DOCK4: variants seen among roughly 807,000 people sequenced by gnomAD.
DOCK4 encodes dedicator of cytokinesis 4.
Under a neutral mutation model 268.1 loss-of-function variants are expected in DOCK4, and 97 were observed. The ratio of observed to expected loss-of-function variants is 0.36; its 90% CI spans 0.31 to 0.43. The LOEUF (loss-of-function observed/expected upper bound fraction) is 0.43. DOCK4 is among the 20% of genes least tolerant of loss of function. The probability of loss-of-function intolerance (pLI) is 1.00; values close to 1 mark genes in which losing one functional copy is unlikely to be tolerated. For synonymous variants in DOCK4, 954 were observed against 887.2 expected, an observed-to-expected ratio of 1.08 and a Z score of -1.34; for missense variants, 2,145 against 2,455.7, an observed-to-expected ratio of 0.87 and a Z score of 2.67.
chr7:111,904,746 A>C (rs1353523855), intron 13 of DOCK4, among the ~76,000 whole-genome samples: 1 of 152,218 alleles, frequency 6.6e-6, no homozygotes, highest in Non-Finnish European at 1.5e-5. Context: ...ACAGGGTATT[A>C]GAAACCTCTG....
intron 5 of DOCK4, among the ~76,000 whole-genome samples, chr7:111,991,035 G>C (rs1799480649): frequency 6.6e-6 from 1 of 152,158 alleles, no homozygotes; most frequent in Admixed American, 6.5e-5. Flanking sequence ...ATCTCATGTA[G>C]CAAAGAAGAG....
chr7:111,819,180 GAGA>G (rs1351115282), intron 27 of DOCK4, among the ~76,000 whole-genome samples: 3 of 152,192 alleles, frequency 2.0e-5, no homozygotes, highest in African/African-American at 7.2e-5. Context: ...CAACTGAAGA[GAGA>G]AGGAGTTTTT....
At chr7:112,099,445 GC>G (rs1339579335) in intron 1 of DOCK4, among the ~76,000 whole-genome samples, 1 of 151,974 alleles carries the variant, frequency 6.6e-6, no homozygotes, top group Non-Finnish European at 1.5e-5. Flanking sequence ...AAAGTTTACC[GC>G]ATTCCCTAAC....
chr7:111,741,401 G>T, intron 46 of DOCK4, 139 bp downstream of exon 46: 1 of 1,399,086 alleles, frequency 7.1e-7, no homozygotes, highest in Non-Finnish European at 9.8e-7. Context: ...GGTGGCAGAG[G>T]TCTGCAGCTG....
chr7:112,174,236 C>A (rs1818318946), intron 1 of DOCK4, among the ~76,000 whole-genome samples: 1 of 152,166 alleles, frequency 6.6e-6, no homozygotes, highest in Non-Finnish European at 1.5e-5. Context: ...CATCCAAAAG[C>A]AGAAATCATT....
chr7:111,813,640 G>A (rs1329401832), intron 27 of DOCK4, among the ~76,000 whole-genome samples: 1 of 152,142 alleles, frequency 6.6e-6, no homozygotes, highest in Admixed American at 6.6e-5. Context: ...AAACCTATGA[G>A]ATCGAGAAGT....
At chr7:111,854,849 C>T (rs546167313) in intron 23 of DOCK4, among the ~76,000 whole-genome samples, 6 of 152,298 alleles carry the variant, frequency 3.9e-5, no homozygotes, top group African/African-American at 1.4e-4. Flanking sequence ...TGGGGTTTCC[C>T]TTCTGGGGTG....
intron 3 of DOCK4, 51 bp downstream of exon 3, chr7:112,000,439 ATAAC>A: frequency 9.2e-7 from 1 of 1,091,618 alleles, no homozygotes. Context: ...AATAATTTAA[ATAAC>A]TATCTTTCTT....
chr7:112,198,384 TG>T (rs1431178659), intron 1 of DOCK4, among the ~76,000 whole-genome samples: 1 of 152,200 alleles, frequency 6.6e-6, no homozygotes, highest in Non-Finnish European at 1.5e-5. Flanking sequence ...AAATTTCTTT[TG>T]TTTAAACTAT....
intron 1 of DOCK4, among the ~76,000 whole-genome samples, chr7:112,122,299 G>C (rs151064775): frequency 3.0e-4 from 46 of 152,210 alleles, no homozygotes; most frequent in Non-Finnish European, 5.4e-4. Flanking sequence ...TTGCAAAACT[G>C]AAACTCTATA....
Position 111,951,279 on chromosome 7 carries a change from C to T in DOCK4, c.702-5481G>A, listed in dbSNP as rs149251784. On this transcript the variant is annotated intron_variant, in intron 8 of 52. Transcript: ENST00000428084. ...CTGTGCCAGACCCTATGACTTATGC[C>T]TTACATAGCTCTTCTCATTTAATTC... Among the ~76,000 whole-genome samples, 9 of 152,224 alleles carry T rather than the reference C, an allele frequency of 5.9e-5. No individual in the cohort carries two copies. The East Asian group carries it at 1.7e-3, about 29-fold the overall frequency.
intron 1 of DOCK4, among the ~76,000 whole-genome samples, chr7:112,159,724 G>C (rs1816921408): frequency 6.7e-6 from 1 of 149,242 alleles, no homozygotes. Context: ...CCACAAAATA[G>C]TCACAATTTG....
chr7:111,990,543 G>A (rs539244810), intron 5 of DOCK4, among the ~76,000 whole-genome samples: 5 of 152,152 alleles, frequency 3.3e-5, no homozygotes, highest in South Asian at 2.1e-4. Flanking sequence ...CTGCTTTTTC[G>A]GTACTTGGTG....
intron 1 of DOCK4, among the ~76,000 whole-genome samples, chr7:112,092,837 C>T (rs976075313): frequency 2.0e-5 from 3 of 152,044 alleles, no homozygotes; most frequent in African/African-American, 7.2e-5. Context: ...GCACAGACAG[C>T]AGGCTCTGGG....
chr7:111,731,280 C>A (rs919106223), intron 52 of DOCK4, among the ~76,000 whole-genome samples: 1 of 152,196 alleles, frequency 6.6e-6, no homozygotes, highest in Non-Finnish European at 1.5e-5. Flanking sequence ...TTTCCCGTTT[C>A]TCAATTTCTA....
At chr7:112,014,216 C>T (rs182191508) in intron 1 of DOCK4, among the ~76,000 whole-genome samples, 7 of 151,880 alleles carry the variant, frequency 4.6e-5, no homozygotes, top group Admixed American at 1.3e-4. Flanking sequence ...TGTAGATGGA[C>T]AACTCTTCAG....
chr7:111,875,770 T>C (rs1269645394), intron 17 of DOCK4, among the ~76,000 whole-genome samples: 1 of 152,240 alleles, frequency 6.6e-6, no homozygotes, highest in Non-Finnish European at 1.5e-5. Flanking sequence ...GCAGCCCTGC[T>C]GGCACCTTGA....
chr7:112,183,560 C>T (rs931326587), intron 1 of DOCK4, among the ~76,000 whole-genome samples: 1 of 152,130 alleles, frequency 6.6e-6, no homozygotes, highest in African/African-American at 2.4e-5. Flanking sequence ...AAAAGGATGG[C>T]ATGGGCATGT....
At chr7:111,881,001 C>A (rs888100295) in intron 16 of DOCK4, among the ~76,000 whole-genome samples, 1 of 152,146 alleles carries the variant, frequency 6.6e-6, no homozygotes, top group Non-Finnish European at 1.5e-5. Flanking sequence ...GAGAAACTCT[C>A]CAGGACAGCG....
Sources: gnomAD v4.1 joint callset for allele counts (sites outside exome capture counted in the v4.1 genomes callset) on GRCh38, gnomAD v4.1.1 for gene constraint, MANE v1.5 for transcripts, NCBI Gene and HGNC (gene_info 2026-07-23, HGNC 2026-07-21) for gene names.